The following FRMD4B variants were observed in gnomAD, a reference collection of about 807,000 sequenced individuals.
FRMD4B encodes FERM domain-containing protein 4B.
FRMD4B carries 74 observed loss-of-function variants against 141.5 expected under a neutral mutation model. That is an observed-to-expected ratio of 0.52 (90% CI 0.43 to 0.63). The LOEUF is 0.63. Among genes scored for constraint, FRMD4B ranks in the 30% least tolerant of loss-of-function variants. The pLI is 0.00. For missense variants in FRMD4B, 1,366 were observed against 1,253.4 expected, an observed-to-expected ratio of 1.09 and a Z score of -1.36; for synonymous variants, 506 against 467.9, an observed-to-expected ratio of 1.08 and a Z score of -1.05.
chr3:69,233,653 G>A (rs896300835), intron 7 of FRMD4B, among the ~76,000 whole-genome samples: 1 of 152,100 alleles, frequency 6.6e-6, no homozygotes, highest in Non-Finnish European at 1.5e-5. Flanking sequence ...AAGTGTATAT[G>A]TACCATACAG....
At chr3:69,223,768 G>A (rs1467736891) in intron 8 of FRMD4B, among the ~76,000 whole-genome samples, 1 of 152,198 alleles carries the variant, frequency 6.6e-6, no homozygotes, top group Non-Finnish European at 1.5e-5. Flanking sequence ...GAACCAGGTT[G>A]CAGTGAGCTG....
intron 4 of FRMD4B, among the ~76,000 whole-genome samples, chr3:69,289,618 A>G (rs1472651291): frequency 1.5e-4 from 1 of 6,746 alleles, no homozygotes; most frequent in Non-Finnish European, 1.3e-3. Flanking sequence ...CACCATGGTG[A>G]AACTGTCTCT....
chr3:69,323,222 C>T (rs902093628), intron 1 of FRMD4B, among the ~76,000 whole-genome samples: 2 of 152,124 alleles, frequency 1.3e-5, no homozygotes, highest in Admixed American at 6.6e-5. Context: ...AAGATAACAG[C>T]TGCTGACTGT....
intron 1 of FRMD4B, among the ~76,000 whole-genome samples, chr3:69,379,419 C>T (rs577475585): frequency 2.0e-5 from 3 of 152,262 alleles, no homozygotes; most frequent in Admixed American, 2.0e-4. Context: ...GCTGGGGCTA[C>T]AGGCACACAC....
chr3:69,431,587 G>A (rs915361696), intron 2 of FRMD4B, among the ~76,000 whole-genome samples: 16 of 152,176 alleles, frequency 1.1e-4, no homozygotes, highest in African/African-American at 3.4e-4. Context: ...TGCCTATATT[G>A]ACTCATTTCA....
intron 4 of FRMD4B, 66 bp from the exon 5 acceptor site, chr3:69,287,902 T>C (rs1191319491): frequency 2.7e-6 from 2 of 731,262 alleles, no homozygotes; most frequent in African/African-American, 3.6e-5. Flanking sequence ...CCTCATTCAG[T>C]GTTCCCCAAA....
At chr3:69,439,523 C>T (rs1705312620) in intron 1 of FRMD4B, among the ~76,000 whole-genome samples, 1 of 152,126 alleles carries the variant, frequency 6.6e-6, no homozygotes, top group Admixed American at 6.6e-5. Flanking sequence ...GCAGGGGATG[C>T]TAAATTTTGT....
At chr3:69,340,368 A>C (rs1253861187) in intron 1 of FRMD4B, among the ~76,000 whole-genome samples, 1 of 152,058 alleles carries the variant, frequency 6.6e-6, no homozygotes, top group Non-Finnish European at 1.5e-5. Context: ...CTTTGTGTCC[A>C]TGTGTTCTCA....
intron 17 of FRMD4B, among the ~76,000 whole-genome samples, chr3:69,191,197 T>C (rs1328611010): frequency 6.6e-6 from 1 of 152,128 alleles, no homozygotes. Flanking sequence ...GGTTGGTGTA[T>C]CACTTGAGGG....
chr3:69,208,869 G>A (rs1022056214), intron 11 of FRMD4B, among the ~76,000 whole-genome samples: 7 of 152,132 alleles, frequency 4.6e-5, no homozygotes, highest in African/African-American at 1.7e-4. Flanking sequence ...AGTTATGCCA[G>A]GCGCGGTGGC....
At chr3:69,360,619 A>G (rs2107462641) in intron 1 of FRMD4B, among the ~76,000 whole-genome samples, 1 of 152,292 alleles carries the variant, frequency 6.6e-6, no homozygotes, top group South Asian at 2.1e-4. Context: ...CATTTGTTGA[A>G]GAAACTAGGC....
chr3:69,229,855 G>A lies in FRMD4B; in HGVS notation c.582-5165C>T, dbSNP rs571796099. On this transcript the variant is annotated intron_variant, in intron 7 of 22. Transcript: ENST00000398540. Reference sequence around the variant, plus strand: ...GGAGTAGCTGGGACTACAGGTGTACGCCACCATGCCCAGCTACTTTTTGTA... The same window carrying A: ...GGAGTAGCTGGGACTACAGGTGTACACCACCATGCCCAGCTACTTTTTGTA... Among the ~76,000 whole-genome samples the A allele has an allele frequency of 1.9e-3, 293 of 152,090 alleles. 2 individuals carry two copies. The highest frequency in any genetic ancestry group is 6.8e-3 in the African/African-American group (281 of 41,496).
rs545415221 is a variant in FRMD4B at position 69,236,228 on chromosome 3, GT to G, written c.582-11539del. Among the ~76,000 whole-genome samples the G allele has an allele frequency of 2.6e-3, 357 of 139,656 alleles. 1 individual carries two copies. The highest frequency in any genetic ancestry group is 0.015 in the Middle Eastern group (4 of 264). The allele number at this position is 139,656 out of a possible 152,430, so 91.6% of individuals were successfully genotyped here. On this transcript the variant is annotated intron_variant, in intron 7 of 22. Coordinates refer to ENST00000398540, the MANE Select transcript of FRMD4B (RefSeq NM_015123.3). Reference sequence around the variant, plus strand: ...TTTTATTGTTGTTGTTATTGTTTTGGTTTTTTTTTTTTTTTTCCGAGATGGA... The same window carrying G: ...TTTTATTGTTGTTGTTATTGTTTTGGTTTTTTTTTTTTTTTCCGAGATGGA...
chr3:69,251,788 C>T (rs1441880917), intron 5 of FRMD4B, among the ~76,000 whole-genome samples: 1 of 152,180 alleles, frequency 6.6e-6, no homozygotes, highest in South Asian at 2.1e-4. Context: ...CGATGGTTTT[C>T]CAATCTGGTG....
At chr3:69,518,519 T>A (rs182714353) in intron 1 of FRMD4B, among the ~76,000 whole-genome samples, 1 of 152,328 alleles carries the variant, frequency 6.6e-6, no homozygotes, top group East Asian at 1.9e-4. Context: ...CCATATAGAA[T>A]TTGGCACTAG....
intron 1 of FRMD4B, among the ~76,000 whole-genome samples, chr3:69,465,046 C>T (rs569031855): frequency 1.9e-3 from 289 of 152,278 alleles, no homozygotes; most frequent in Non-Finnish European, 3.3e-3. Flanking sequence ...TTCATCCAGG[C>T]GTGGTGGCTC....
intron 7 of FRMD4B, among the ~76,000 whole-genome samples, chr3:69,240,560 G>A (rs939864452): frequency 1.6e-4 from 24 of 151,450 alleles, no homozygotes; most frequent in Middle Eastern, 6.8e-3. Context: ...ACAAAAGAAT[G>A]GAAAGTCAAA....
intron 2 of FRMD4B, among the ~76,000 whole-genome samples, chr3:69,406,900 T>A (rs1264646624): frequency 9.4e-6 from 1 of 106,846 alleles, no homozygotes; most frequent in Admixed American, 1.3e-4. Context: ...CCCAGTTAAT[T>A]TTTAATTTTA....
intron 1 of FRMD4B, among the ~76,000 whole-genome samples, chr3:69,465,357 C>G (rs1705766262): frequency 6.6e-6 from 1 of 151,352 alleles, no homozygotes; most frequent in Admixed American, 6.6e-5. Flanking sequence ...ATACAGAATT[C>G]CATGAGACAT....
Sources: allele counts gnomAD v4.1 joint callset (sites outside exome capture counted in the v4.1 genomes callset), GRCh38; gene constraint gnomAD v4.1.1; transcripts MANE v1.5; gene names NCBI Gene and HGNC (gene_info 2026-07-23, HGNC 2026-07-21).